The following GLT1D1 variants were observed in gnomAD, a reference collection of about 807,000 sequenced individuals.
The protein encoded by GLT1D1 is glycosyltransferase 1 domain-containing protein 1.
In GLT1D1, 21 loss-of-function variants were observed where a neutral mutation model predicts 28.7. The ratio of observed to expected loss-of-function variants is 0.73; its 90% CI spans 0.52 to 1.05. GLT1D1 has a LOEUF of 1.05. GLT1D1 is among the 50% of genes least tolerant of loss of function. The pLI is 0.00. For missense variants in GLT1D1, 343 were observed against 330.6 expected, an observed-to-expected ratio of 1.04 and a Z score of -0.29; for synonymous variants, 147 against 124.8, an observed-to-expected ratio of 1.18 and a Z score of -1.19.
intron 1 of GLT1D1, among the ~76,000 whole-genome samples, chr12:128,866,050 C>G (rs1956505643): frequency 6.6e-6 from 1 of 151,046 alleles, no homozygotes; most frequent in African/African-American, 2.4e-5. Context: ...TCCACAGATT[C>G]CCAGGGGTGA....
chr12:128,857,234 G>A (rs937399531), intron 1 of GLT1D1, among the ~76,000 whole-genome samples: 1 of 152,152 alleles, frequency 6.6e-6, no homozygotes. Flanking sequence ...TCTGTTGGTG[G>A]TGCACTTTTG....
chr12:128,865,475 TG>T (rs1474605918), intron 1 of GLT1D1, among the ~76,000 whole-genome samples: 1 of 152,156 alleles, frequency 6.6e-6, no homozygotes, highest in Admixed American at 6.5e-5. Context: ...GTGGGTTCCA[TG>T]TCTGCAGTTC....
intron 3 of GLT1D1, among the ~76,000 whole-genome samples, chr12:128,890,451 T>C (rs931749297): frequency 1.3e-5 from 2 of 152,144 alleles, no homozygotes; most frequent in African/African-American, 4.8e-5. Context: ...TCACTCCCAT[T>C]TCTTTGTCTA....
At chr12:128,956,936 C>T (rs976932196) in intron 6 of GLT1D1, among the ~76,000 whole-genome samples, 2 of 152,246 alleles carry the variant, frequency 1.3e-5, no homozygotes, top group Non-Finnish European at 2.9e-5. Context: ...CAAAATGCCT[C>T]CTTTCCGGGC....
intron 6 of GLT1D1, among the ~76,000 whole-genome samples, chr12:128,955,979 G>A (rs528811729): frequency 7.3e-5 from 11 of 151,422 alleles, no homozygotes; most frequent in Non-Finnish European, 1.6e-4. Flanking sequence ...CTAACACAGT[G>A]AAACCCCATC....
rs374597920 is a variant in GLT1D1 at position 128,956,171 on chromosome 12, A to AAAAAAG, written c.541-1373_541-1372insAAAAGA. 3.3e-4 allele frequency among the ~76,000 whole-genome samples: 21 copies of AAAAAAG among 63,942 alleles called. 6 individuals carry two copies. Among genetic ancestry groups the AAAAAAG allele is most frequent in the Non-Finnish European group, 5.3e-4 (15 of 28,334 alleles). The allele number at this position is 63,942 out of a possible 152,430, so 41.9% of individuals were successfully genotyped here. A position where few individuals can be genotyped will look rare whatever the true frequency, so the allele number is the denominator to read the frequency against. On this transcript the variant is annotated intron_variant, in intron 6 of 7. Coordinates refer to ENST00000281703, the MANE Select transcript of GLT1D1 (RefSeq NM_144669.3). Reference sequence around the variant, plus strand: ...GAGACTCCATCTCAAAAAAAAAAAAAAGAGAAAGAGAGAAAGAAAGAAAGA... The same window carrying AAAAAAG: ...GAGACTCCATCTCAAAAAAAAAAAAAAAAAAGAGAGAAAGAGAGAAAGAAAGAAAGA...
intron 6 of GLT1D1, among the ~76,000 whole-genome samples, chr12:128,954,500 T>G (rs1472180415): frequency 6.6e-6 from 1 of 152,270 alleles, no homozygotes; most frequent in South Asian, 2.1e-4. Context: ...TGTTTTTCAC[T>G]TGGGATTTAT....
chr12:128,856,666 C>T (rs1033036494), intron 1 of GLT1D1, among the ~76,000 whole-genome samples: 2 of 151,986 alleles, frequency 1.3e-5, no homozygotes, highest in African/African-American at 2.4e-5. Flanking sequence ...GAGTTTGGGG[C>T]CAGTGCTAGG....
At chr12:128,973,348 A>T (rs866209925) in intron 7 of GLT1D1, among the ~76,000 whole-genome samples, 134 of 118,786 alleles carry the variant, frequency 1.1e-3, no homozygotes, top group South Asian at 4.8e-3. Context: ...ACACCTGGCT[A>T]TTTTTTTTTT....
At position 128,945,434 on chromosome 12, in the gene GLT1D1, G is replaced by A. The variant is rs532708696; in HGVS notation, c.419+65G>A. ...AGCCTGAGTGGCCCCTGGGTTACCT[G>A]AACTCACATTTATCCAGTCCCAGGC... On this transcript the variant is annotated intron_variant, in intron 5 of 7. Transcript: ENST00000281703. 41 of 1,257,330 alleles carry A rather than the reference G, an allele frequency of 3.3e-5. 1 individual carries two copies. The South Asian group carries it at 4.9e-4, about 15-fold the overall frequency. The allele number at this position is 1,257,330 out of a possible 1,614,324, so 77.9% of individuals were successfully genotyped here.
chr12:128,942,924 A>G (rs1475985078), intron 4 of GLT1D1, among the ~76,000 whole-genome samples: 2 of 151,216 alleles, frequency 1.3e-5, no homozygotes, highest in African/African-American at 4.9e-5. Context: ...AATTTTTTGT[A>G]TTTTAGTAGA....
chr12:128,981,971 A>T (rs1017570748), intron 7 of GLT1D1, among the ~76,000 whole-genome samples: 1 of 152,136 alleles, frequency 6.6e-6, no homozygotes, highest in African/African-American at 2.4e-5. Context: ...GCGCATGGAG[A>T]GTAACGACTG....
intron 1 of GLT1D1, among the ~76,000 whole-genome samples, chr12:128,854,478 C>T (rs1473337203): frequency 2.0e-5 from 3 of 150,644 alleles, no homozygotes; most frequent in Non-Finnish European, 4.4e-5. Flanking sequence ...GATTTACTTC[C>T]CTTCTGTGGG....
chr12:128,981,974 A>G (rs1880358476), intron 7 of GLT1D1, among the ~76,000 whole-genome samples: 1 of 152,152 alleles, frequency 6.6e-6, no homozygotes, highest in South Asian at 2.1e-4. Context: ...CATGGAGAGT[A>G]ACGACTGGTC....
chr12:128,949,768 G>GCA (rs142164489), intron 6 of GLT1D1, among the ~76,000 whole-genome samples: 3 of 150,936 alleles, frequency 2.0e-5, no homozygotes, highest in Non-Finnish European at 3.0e-5. Flanking sequence ...ACACACACAG[G>GCA]CACACACACA....
chr12:128,959,360 T>C (rs1877654874), intron 7 of GLT1D1, among the ~76,000 whole-genome samples: 1 of 144,524 alleles, frequency 6.9e-6, no homozygotes, highest in South Asian at 2.3e-4. Context: ...TCTCACAGAG[T>C]CGTAAACAAA....
chr12:128,886,280 CT>C (rs1297651126), intron 2 of GLT1D1, among the ~76,000 whole-genome samples: 3 of 152,152 alleles, frequency 2.0e-5, no homozygotes, highest in Admixed American at 2.0e-4. Context: ...AATACAGTCC[CT>C]TTGTGGCAAT....
chr12:128,885,882 T>C (rs776386780), intron 2 of GLT1D1, among the ~76,000 whole-genome samples: 75 of 152,232 alleles, frequency 4.9e-4, no homozygotes, highest in Non-Finnish European at 8.2e-4. Context: ...GCAGTTTTTA[T>C]TGGGGGAATA....
At chr12:128,960,454 G>A (rs1877817509) in intron 7 of GLT1D1, among the ~76,000 whole-genome samples, 1 of 152,118 alleles carries the variant, frequency 6.6e-6, no homozygotes, top group South Asian at 2.1e-4. Flanking sequence ...GCCAGTGTTG[G>A]CAAGATTAAT....
Sources: allele counts gnomAD v4.1 joint callset (sites outside exome capture counted in the v4.1 genomes callset), GRCh38; gene constraint gnomAD v4.1.1; transcripts MANE v1.5; gene names NCBI Gene and HGNC (gene_info 2026-07-23, HGNC 2026-07-21).